The following ASTN2 variants were observed in gnomAD, a reference collection of about 807,000 sequenced individuals.
ASTN2 encodes the protein astrotactin-2.
In ASTN2, 54 loss-of-function variants were observed where a neutral mutation model predicts 139.8. The observed-to-expected ratio is 0.39, with a 90% CI of 0.31 to 0.48. The LOEUF (loss-of-function observed/expected upper bound fraction) is 0.48, where lower values mean the gene tolerates loss of function less well. Ranked by LOEUF, ASTN2 falls within the 20% of genes least tolerant of loss-of-function variation. The pLI is 0.95. For missense variants in ASTN2, 1,565 were observed against 1,725.1 expected (o/e 0.91, Z 1.64); for synonymous variants, 756 against 719.5 (o/e 1.05, Z -0.81).
At chr9:117,060,344 G>GAGAAGGAAAGAA (rs1839213415) in intron 5 of ASTN2, among the ~76,000 whole-genome samples, 1 of 58,894 alleles carries the variant, frequency 1.7e-5, no homozygotes, top group South Asian at 6.9e-4. Flanking sequence ...GAAAGAAAGA[G>GAGAAGGAAAGAA]AGAAAGAAAG....
chr9:116,789,377 G>T (rs1830470552), intron 13 of ASTN2, among the ~76,000 whole-genome samples: 1 of 152,172 alleles, frequency 6.6e-6, no homozygotes, highest in Non-Finnish European at 1.5e-5. Context: ...GCTTGTGCCT[G>T]CTAATTAACT....
intron 19 of ASTN2, among the ~76,000 whole-genome samples, chr9:116,566,027 A>G (rs1245554338): frequency 2.6e-5 from 4 of 152,204 alleles, no homozygotes; most frequent in African/African-American, 9.6e-5. Flanking sequence ...CCTCCAGTCC[A>G]TCCTCCAAGC....
intron 5 of ASTN2, among the ~76,000 whole-genome samples, chr9:117,088,066 G>C (rs1222191892): frequency 1.1e-4 from 17 of 152,184 alleles, no homozygotes; most frequent in African/African-American, 4.1e-4. Context: ...TCCCTTCTCT[G>C]AGCCTTGGTT....
At chr9:116,469,681 T>C (rs536519451) in intron 20 of ASTN2, among the ~76,000 whole-genome samples, 2 of 152,352 alleles carry the variant, frequency 1.3e-5, no homozygotes, top group African/African-American at 2.4e-5. Context: ...AATGTGATAT[T>C]GCATATATTC....
At chr9:117,333,808 G>A (rs969794941) in intron 1 of ASTN2, among the ~76,000 whole-genome samples, 1 of 152,034 alleles carries the variant, frequency 6.6e-6, no homozygotes, top group African/African-American at 2.4e-5. Context: ...CCGTCCATTT[G>A]CCCATTTTAA....
chr9:117,012,675 T>C (rs1026709384), intron 6 of ASTN2, among the ~76,000 whole-genome samples: 1 of 152,200 alleles, frequency 6.6e-6, no homozygotes, highest in Non-Finnish European at 1.5e-5. Flanking sequence ...GCCTTTAAGC[T>C]ATACCTTGAA....
At chr9:117,166,648 C>T (rs1328728995) in intron 3 of ASTN2, among the ~76,000 whole-genome samples, 2 of 152,146 alleles carry the variant, frequency 1.3e-5, no homozygotes, top group East Asian at 3.9e-4. Flanking sequence ...AAGAGCTACA[C>T]ATCCTTCAGA....
At chr9:116,807,292 T>A (rs2132249234) in intron 12 of ASTN2, among the ~76,000 whole-genome samples, 1 of 152,370 alleles carries the variant, frequency 6.6e-6, no homozygotes, top group East Asian at 1.9e-4. Flanking sequence ...CAGTAGCTGA[T>A]GCTACAGATA....
chr9:116,502,744 A>T (rs1849926083), intron 19 of ASTN2, among the ~76,000 whole-genome samples: 1 of 97,234 alleles, frequency 1.0e-5, no homozygotes, highest in Non-Finnish European at 2.0e-5. Flanking sequence ...TGAATGAATG[A>T]ATGAGGGAAG....
intron 17 of ASTN2, among the ~76,000 whole-genome samples, chr9:116,629,891 C>G (rs928974428): frequency 1.5e-4 from 23 of 151,930 alleles, no homozygotes; most frequent in African/African-American, 5.1e-4. Flanking sequence ...GTGCACAAGG[C>G]TCTGTCAGCT....
chr9:117,186,363 G>A (rs1040878499), intron 3 of ASTN2, among the ~76,000 whole-genome samples: 17 of 144,626 alleles, frequency 1.2e-4, no homozygotes, highest in African/African-American at 3.0e-4. Flanking sequence ...TGGCTAACAC[G>A]GTGAAAACCC....
At chr9:117,024,099 TC>T (rs1229960417) in intron 6 of ASTN2, among the ~76,000 whole-genome samples, 10 of 152,232 alleles carry the variant, frequency 6.6e-5, no homozygotes, top group South Asian at 2.1e-4. Context: ...TCAAACGAGT[TC>T]TTCAAGGTGG....
chr9:117,061,128 A>G (rs943182248), intron 5 of ASTN2, among the ~76,000 whole-genome samples: 1 of 147,934 alleles, frequency 6.8e-6, no homozygotes, highest in Non-Finnish European at 1.5e-5. Context: ...GTTACAAACT[A>G]TACACCAGTC....
intron 16 of ASTN2, among the ~76,000 whole-genome samples, chr9:116,655,324 C>A (rs1019933034): frequency 6.6e-6 from 1 of 152,162 alleles, no homozygotes; most frequent in South Asian, 2.1e-4. Flanking sequence ...GTCATCTATT[C>A]GAAAGGCAAA....
intron 11 of ASTN2, among the ~76,000 whole-genome samples, chr9:116,842,143 A>C (rs554296635): frequency 6.6e-6 from 1 of 152,312 alleles, no homozygotes; most frequent in South Asian, 2.1e-4. Context: ...AGGGCCCTGT[A>C]ATGAGTTATC....
intron 2 of ASTN2, among the ~76,000 whole-genome samples, chr9:117,272,126 C>T (rs1340417587): frequency 6.6e-6 from 1 of 152,228 alleles, no homozygotes; most frequent in Non-Finnish European, 1.5e-5. Context: ...CGTTTCCACA[C>T]GTCTTCTGAA....
At chr9:117,241,482 TG>T (rs954972221) in intron 2 of ASTN2, among the ~76,000 whole-genome samples, 15 of 152,270 alleles carry the variant, frequency 9.9e-5, no homozygotes, top group African/African-American at 3.4e-4. Flanking sequence ...CATGGACTTA[TG>T]GGGGGCCTGT....
chr9:116,699,949 A>C lies in ASTN2; in HGVS notation c.2806+25822T>G. On this transcript the variant is annotated intron_variant, in intron 16 of 22. Coordinates refer to ENST00000313400, the MANE Select transcript of ASTN2 (RefSeq NM_001365068.1). The surrounding 1 kb of genome is among the most constrained non-coding windows in gnomAD (Gnocchi z 4.2). ...TAGGACACACGATGGTGTTAGCTGA[A>C]GTTTGATTAGCAATTAGGCACTTCC... 1.7e-6 allele frequency: 1 copy of C among 602,792 alleles called. No individual in the cohort carries two copies. Among genetic ancestry groups the C allele is most frequent in the Non-Finnish European group, 3.0e-6 (1 of 338,174 alleles). The allele number at this position is 602,792 out of a possible 1,614,324, so 37.3% of individuals were successfully genotyped here. A position where few individuals can be genotyped will look rare whatever the true frequency, so the allele number is the denominator to read the frequency against.
chr9:116,545,522 T>C (rs1012260032), intron 19 of ASTN2, among the ~76,000 whole-genome samples: 6 of 152,178 alleles, frequency 3.9e-5, no homozygotes, highest in African/African-American at 1.4e-4. Flanking sequence ...CCCTACTCCA[T>C]TAAGCAATTT....
Sources: allele counts gnomAD v4.1 joint callset (sites outside exome capture counted in the v4.1 genomes callset), GRCh38; gene constraint gnomAD v4.1.1; non-coding constraint Gnocchi (gnomAD v3.1); transcripts MANE v1.5; gene names NCBI Gene and HGNC (gene_info 2026-07-23, HGNC 2026-07-21).